The following ANKRD30B variants were observed in gnomAD, a reference collection of about 807,000 sequenced individuals.
ANKRD30B encodes the protein ankyrin repeat domain 30B.
In ANKRD30B, 144 loss-of-function variants were observed where a neutral mutation model predicts 202.2. That is an observed-to-expected ratio of 0.71 (90% CI 0.62 to 0.82). The LOEUF (loss-of-function observed/expected upper bound fraction) is 0.82. Ranked by LOEUF, ANKRD30B falls within the 40% of genes least tolerant of loss-of-function variation. ANKRD30B has a pLI of 0.00. For missense variants in ANKRD30B, 1,487 were observed against 1,669.1 expected (o/e 0.89, Z 1.90); for synonymous variants, 508 against 561.3 (o/e 0.91, Z 1.34).
At position 14,772,281 on chromosome 18, in the gene ANKRD30B, T is replaced by G. The variant is rs935768586; in HGVS notation, c.1329+53T>G. The G allele has an allele frequency of 2.5e-6, 3 of 1,179,506 alleles. No homozygotes were observed. In the East Asian group the frequency reaches 8.2e-5, roughly 32 times the overall value. 73.1% of individuals were successfully genotyped at this position (1,179,506 alleles called of 1,614,324 possible). A position where few individuals can be genotyped will look rare whatever the true frequency, so the allele number is the denominator to read the frequency against. Reference sequence around the variant, plus strand: ...TTCTCAGTTGCAATATATTTCTGTATAGTATTTCTTAGCAGTGGTGTATGT... The same window carrying G: ...TTCTCAGTTGCAATATATTTCTGTAGAGTATTTCTTAGCAGTGGTGTATGT... On this transcript the variant is annotated intron_variant, in intron 9 of 43. Coordinates refer to ENST00000690538, the MANE Select transcript of ANKRD30B (RefSeq NM_001367607.2).
chr18:14,842,587 C>G (rs1447670565), intron 37 of ANKRD30B, among the ~76,000 whole-genome samples: 2 of 152,240 alleles, frequency 1.3e-5, no homozygotes, highest in Non-Finnish European at 2.9e-5. Flanking sequence ...ATTTGCTCCT[C>G]TGATCAAAGA....
chr18:14,848,183 T>A (rs908823271), intron 39 of ANKRD30B, among the ~76,000 whole-genome samples: 1 of 152,156 alleles, frequency 6.6e-6, no homozygotes, highest in Non-Finnish European at 1.5e-5. Flanking sequence ...GGGACTATCA[T>A]CTTCTTTGCC....
intron 33 of ANKRD30B, among the ~76,000 whole-genome samples, chr18:14,828,723 C>G (rs192197720): frequency 6.6e-6 from 1 of 152,106 alleles, no homozygotes; most frequent in Non-Finnish European, 1.5e-5. Flanking sequence ...TAGAGATTTC[C>G]CATAGAACAT....
At chr18:14,874,778 C>T in the ANKRD30B span, among the ~76,000 whole-genome samples, 3 of 152,146 alleles carry the variant, frequency 2.0e-5, no homozygotes, top group Admixed American at 2.0e-4. Flanking sequence ...TGGAATAACT[C>T]ATGTACAAGG....
intron 9 of ANKRD30B, among the ~76,000 whole-genome samples, chr18:14,777,363 TCTCAGC>T (rs1967422462): frequency 6.6e-6 from 1 of 152,044 alleles, no homozygotes. Flanking sequence ...AGTGGAGTGA[TCTCAGC>T]TGACTACAAC....
chr18:14,855,548 A>C (rs1261741585), downstream of ANKRD30B, among the ~76,000 whole-genome samples: 1 of 151,704 alleles, frequency 6.6e-6, no homozygotes, highest in Non-Finnish European at 1.5e-5. Flanking sequence ...CTCACTTCCC[A>C]GATGGGGCAA....
chr18:14,756,836 G>A (rs577595520), intron 4 of ANKRD30B, among the ~76,000 whole-genome samples: 1 of 152,262 alleles, frequency 6.6e-6, no homozygotes, highest in South Asian at 2.1e-4. Flanking sequence ...AGGTTGCAGT[G>A]AGCTGAGATC....
intron 34 of ANKRD30B, among the ~76,000 whole-genome samples, chr18:14,833,428 T>C (rs968093788): frequency 1.3e-5 from 2 of 152,198 alleles, no homozygotes; most frequent in African/African-American, 4.8e-5. Context: ...TTTTCTATTT[T>C]TAATAGAGAG....
chr18:14,757,029 T>G (rs1469823316), intron 4 of ANKRD30B, among the ~76,000 whole-genome samples: 5 of 152,256 alleles, frequency 3.3e-5, no homozygotes, highest in Non-Finnish European at 7.3e-5. Context: ...TGACTATTAA[T>G]TGCTATCACC....
chr18:14,791,887 A>C (rs1968537322), intron 16 of ANKRD30B, among the ~76,000 whole-genome samples: 1 of 152,170 alleles, frequency 6.6e-6, no homozygotes, highest in Admixed American at 6.5e-5. Context: ...CATGGTTAGA[A>C]ATTTGGGAAG....
intron 7 of ANKRD30B, among the ~76,000 whole-genome samples, chr18:14,766,472 C>CAAAAAAAAAAAA (rs1168681924): frequency 2.9e-4 from 16 of 55,592 alleles, no homozygotes; most frequent in African/African-American, 4.0e-4. Context: ...GACTCCATCT[C>CAAAAAAAAAAAA]AAAAAAAAAA....
the ANKRD30B span, among the ~76,000 whole-genome samples, chr18:14,907,627 T>C: frequency 6.6e-6 from 1 of 152,158 alleles, no homozygotes. Flanking sequence ...GCACAGCCCT[T>C]ATGTGGGTCT....
Position 14,791,636 on chromosome 18 carries a change from C to T in ANKRD30B, c.1825+145C>T, listed in dbSNP as rs1437675149. 19 of 633,198 alleles carry T rather than the reference C, an allele frequency of 3.0e-5. 1 individual carries two copies. The highest frequency in any genetic ancestry group is 6.0e-5 in the East Asian group (2 of 33,548). The allele number at this position is 633,198 out of a possible 1,614,324, so 39.2% of individuals were successfully genotyped here. On this transcript the variant is annotated intron_variant, in intron 16 of 43. Transcript: ENST00000690538. ...AGAAGTGAAACGGTGATAAGTTATA[C>T]GTCTTATCAGGTGTTGGTAACAGAG...
rs947029796 is a variant in ANKRD30B at position 14,831,632 on chromosome 18, G to GT, written c.2847+184dup. ...AGTTGATTTAAACAGTTTTTTTTTT[G>GT]TTTTTTTGTTTGTTTGTTTTACTTC... is the stretch of plus-strand genomic sequence containing the variant. On this transcript the variant is annotated intron_variant, in intron 34 of 43. Transcript: ENST00000690538. Among the ~76,000 whole-genome samples the GT allele has an allele frequency of 1.2e-4, 18 of 148,770 alleles. 1 individual carries two copies. The highest frequency in any genetic ancestry group is 3.3e-4 in the Admixed American group (5 of 14,990).
the ANKRD30B span, among the ~76,000 whole-genome samples, chr18:14,868,328 A>G: frequency 2.0e-5 from 3 of 152,262 alleles, no homozygotes; most frequent in Non-Finnish European, 2.9e-5. Flanking sequence ...CTTCTCCTGC[A>G]GTCTCTGGAG....
At chr18:14,824,081 G>C (rs1970567598) in intron 32 of ANKRD30B, among the ~76,000 whole-genome samples, 1 of 148,588 alleles carries the variant, frequency 6.7e-6, no homozygotes, top group South Asian at 2.2e-4. Flanking sequence ...ATAAATAGTT[G>C]TACACTGTAC....
chr18:14,777,969 G>T lies in ANKRD30B; in HGVS notation c.1330-16G>T. The T allele has an allele frequency of 6.6e-7, 1 of 1,506,644 alleles. No homozygotes were observed. Among genetic ancestry groups the T allele is most frequent in the Non-Finnish European group, 9.0e-7 (1 of 1,112,494 alleles). 93.3% of individuals were successfully genotyped at this position (1,506,644 alleles called of 1,614,324 possible). A position where few individuals can be genotyped will look rare whatever the true frequency, so the allele number is the denominator to read the frequency against. On this transcript the variant is annotated splice_polypyrimidine_tract_variant and intron_variant, in intron 9 of 43. Transcript: ENST00000690538. ...AAGGAAAAAGACAAATTATTTATTG[G>T]TATTACCTTTAACAGATTATCTCTA...
intron 1 of ANKRD30B, among the ~76,000 whole-genome samples, chr18:14,749,623 A>T (rs1913076939): frequency 7.2e-6 from 1 of 139,510 alleles, no homozygotes; most frequent in Non-Finnish European, 1.5e-5. Flanking sequence ...GTGAGCCGAG[A>T]TCCCACCATT....
chr18:14,759,358 T>C (rs1914886474), intron 5 of ANKRD30B: 1 of 152,180 alleles, frequency 6.6e-6, no homozygotes, highest in Admixed American at 6.5e-5. Context: ...CAAAGCAAAA[T>C]GGGTGACTCC....
Sources: allele counts gnomAD v4.1 joint callset (sites outside exome capture counted in the v4.1 genomes callset), GRCh38; gene constraint gnomAD v4.1.1; transcripts MANE v1.5; gene names NCBI Gene and HGNC (gene_info 2026-07-23, HGNC 2026-07-21).